The following LMBR1 variants were observed in gnomAD, a reference collection of about 807,000 sequenced individuals.
LMBR1 encodes limb development membrane protein 1.
Under a neutral mutation model 73.9 loss-of-function variants are expected in LMBR1, and 52 were observed. The observed-to-expected ratio is 0.70, with a 90% CI of 0.56 to 0.89. The LOEUF (loss-of-function observed/expected upper bound fraction) is 0.89, where lower values mean the gene tolerates loss of function less well. LMBR1 is among the 40% of genes least tolerant of loss of function. The probability of loss-of-function intolerance (pLI) is 0.00; values close to 1 mark genes in which losing one functional copy is unlikely to be tolerated. For synonymous variants in LMBR1, 215 were observed against 209.4 expected (o/e 1.03, Z -0.23); for missense variants, 539 against 579.8 (o/e 0.93, Z 0.72).
At chr7:156,819,476 TTCAA>T (rs1325016449) in intron 4 of LMBR1, among the ~76,000 whole-genome samples, 33 of 152,330 alleles carry the variant, frequency 2.2e-4, no homozygotes, top group Middle Eastern at 3.4e-3. Context: ...CTTTTATTCC[TTCAA>T]TCAATCAATA....
chr7:156,852,450 GT>G (rs1289654283), intron 1 of LMBR1, among the ~76,000 whole-genome samples: 1 of 152,146 alleles, frequency 6.6e-6, no homozygotes, highest in African/African-American at 2.4e-5. Context: ...TGGATAGCAT[GT>G]TTCTATACTA....
intron 1 of LMBR1, among the ~76,000 whole-genome samples, chr7:156,843,696 T>C (rs1382983504): frequency 1.3e-5 from 2 of 150,560 alleles, no homozygotes; most frequent in African/African-American, 4.9e-5. Context: ...ATTAGCCAGG[T>C]GTGGTGGCAC....
chr7:156,700,106 C>A (rs368620652), intron 15 of LMBR1, among the ~76,000 whole-genome samples: 4 of 152,046 alleles, frequency 2.6e-5, no homozygotes, highest in African/African-American at 9.7e-5. Flanking sequence ...ATGTTTATTG[C>A]GGCACTATTC....
chr7:156,726,776 CCTT>C (rs1191462995), intron 12 of LMBR1, among the ~76,000 whole-genome samples: 14 of 152,166 alleles, frequency 9.2e-5, no homozygotes, highest in Non-Finnish European at 1.8e-4. Context: ...TGATCTGTCT[CCTT>C]CTCCTGCGAA....
At chr7:156,820,606 T>C (rs1834614480) in intron 4 of LMBR1, among the ~76,000 whole-genome samples, 1 of 152,172 alleles carries the variant, frequency 6.6e-6, no homozygotes, top group African/African-American at 2.4e-5. Context: ...TTGTAGGGTA[T>C]ATGGAGATAT....
At chr7:156,714,797 T>C (rs929508923) in intron 15 of LMBR1, among the ~76,000 whole-genome samples, 3 of 152,116 alleles carry the variant, frequency 2.0e-5, no homozygotes, top group Non-Finnish European at 4.4e-5. Context: ...CCTTATCAAG[T>C]GCCTGGCACT....
chr7:156,840,145 T>C (rs1228519303), intron 1 of LMBR1, among the ~76,000 whole-genome samples: 1 of 152,192 alleles, frequency 6.6e-6, no homozygotes, highest in African/African-American at 2.4e-5. Flanking sequence ...AAAACAATTT[T>C]TACTGTGGGC....
intron 15 of LMBR1, among the ~76,000 whole-genome samples, chr7:156,689,143 G>GA (rs987753197): frequency 2.0e-5 from 3 of 151,942 alleles, no homozygotes; most frequent in South Asian, 4.2e-4. Context: ...GTATTTACTG[G>GA]AAAAAAATAC....
At chr7:156,673,014 G>T (rs1349609033), downstream of LMBR1, among the ~76,000 whole-genome samples, 1 of 152,234 alleles carries the variant, frequency 6.6e-6, no homozygotes, top group Admixed American at 6.5e-5. Flanking sequence ...AGCCTGAAAA[G>T]CTCTGCTTTT....
chr7:156,769,528 T>C (rs7778562), intron 5 of LMBR1, among the ~76,000 whole-genome samples: 30,505 of 152,128 alleles, frequency 0.2, 3,446 homozygotes, highest in African/African-American at 0.31. Context: ...CCTTGTTCTT[T>C]CTCTGCACCA....
At chr7:156,815,970 C>G (rs1833845309) in intron 4 of LMBR1, among the ~76,000 whole-genome samples, 1 of 149,842 alleles carries the variant, frequency 6.7e-6, no homozygotes, top group Admixed American at 6.7e-5. Flanking sequence ...GTTATTGATC[C>G]ATAAACATAC....
intron 9 of LMBR1, among the ~76,000 whole-genome samples, chr7:156,739,301 T>C (rs899010499): frequency 2.0e-5 from 3 of 152,170 alleles, no homozygotes; most frequent in Non-Finnish European, 2.9e-5. Flanking sequence ...ACTAGATTTC[T>C]AAAGTTTCTG....
chr7:156,717,944 G>A (rs940115944), intron 15 of LMBR1, among the ~76,000 whole-genome samples: 4 of 152,180 alleles, frequency 2.6e-5, no homozygotes, highest in African/African-American at 9.7e-5. Context: ...AGAGGAGACT[G>A]GAATTAGAAG....
chr7:156,889,989 G>C (rs898424051), intron 1 of LMBR1, among the ~76,000 whole-genome samples: 3 of 152,098 alleles, frequency 2.0e-5, no homozygotes, highest in African/African-American at 7.2e-5. Flanking sequence ...GGTCAACAGA[G>C]GGAGAACCTG....
At chr7:156,854,746 C>A (rs1370921110) in intron 1 of LMBR1, among the ~76,000 whole-genome samples, 1 of 152,180 alleles carries the variant, frequency 6.6e-6, no homozygotes, top group Non-Finnish European at 1.5e-5. Context: ...GACCTAATCA[C>A]AAGACTACAA....
chr7:156,743,729 C>T (rs1180122005), intron 9 of LMBR1, among the ~76,000 whole-genome samples: 3 of 152,138 alleles, frequency 2.0e-5, no homozygotes, highest in Non-Finnish European at 4.4e-5. Flanking sequence ...TCAATGGTTA[C>T]TTTCACATTT....
At chr7:156,889,596 G>GGTA (rs1445215452) in intron 1 of LMBR1, among the ~76,000 whole-genome samples, 2 of 152,128 alleles carry the variant, frequency 1.3e-5, no homozygotes, top group Non-Finnish European at 2.9e-5. Flanking sequence ...ACCAGCCAGG[G>GGTA]GTACTGGGTT....
chr7:156,873,184 T>G (rs1395567146), intron 1 of LMBR1, among the ~76,000 whole-genome samples: 3 of 152,112 alleles, frequency 2.0e-5, no homozygotes, highest in Non-Finnish European at 2.9e-5. Flanking sequence ...GATGTTCAGA[T>G]GTGTTCAGAG....
chr7:156,891,571 G>C (rs555964278), intron 1 of LMBR1, among the ~76,000 whole-genome samples: 1 of 152,202 alleles, frequency 6.6e-6, no homozygotes, highest in African/African-American at 2.4e-5. Context: ...TTGGAAGAGG[G>C]AAAGGAATCA....
Sources: allele counts gnomAD v4.1 joint callset (sites outside exome capture counted in the v4.1 genomes callset), GRCh38; gene constraint gnomAD v4.1.1; transcripts MANE v1.5; gene names NCBI Gene and HGNC (gene_info 2026-07-23, HGNC 2026-07-21).